The following TRPM3 variants were observed in gnomAD, a reference collection of about 807,000 sequenced individuals.
TRPM3 encodes the protein long transient receptor potential channel 3.
In TRPM3, 77 loss-of-function variants were observed where a neutral mutation model predicts 181.2. The observed-to-expected ratio is 0.42, with a 90% CI of 0.35 to 0.51. The LOEUF is 0.51. Ranked by LOEUF, TRPM3 falls within the 20% of genes least tolerant of loss-of-function variation. TRPM3 has a pLI of 0.01. For synonymous variants in TRPM3, 745 were observed against 796.4 expected (o/e 0.94, Z 1.09); for missense variants, 1,759 against 2,196.7 (o/e 0.80, Z 3.98).
At chr9:70,667,125 CTG>C (rs2061956292) in intron 9 of TRPM3, among the ~76,000 whole-genome samples, 1 of 151,782 alleles carries the variant, frequency 6.6e-6, no homozygotes, top group African/African-American at 2.4e-5. Flanking sequence ...TCTCTCTCTT[CTG>C]TGTTAGAGGT....
At chr9:70,662,254 C>T (rs1162030503) in intron 9 of TRPM3, among the ~76,000 whole-genome samples, 4 of 152,084 alleles carry the variant, frequency 2.6e-5, no homozygotes, top group Admixed American at 6.5e-5. Flanking sequence ...CCATCTGTCA[C>T]CTTATACAAA....
chr9:70,772,110 AG>A (rs1354189102), intron 7 of TRPM3, among the ~76,000 whole-genome samples: 2 of 152,322 alleles, frequency 1.3e-5, no homozygotes, highest in East Asian at 3.9e-4. Context: ...CAGACATTCA[AG>A]GCTTCTCAGT....
rs761379173 is a variant in TRPM3 at position 71,133,292 on chromosome 9, C to CTTTT, written c.184-268785_184-268782dup. Among the ~76,000 whole-genome samples, 264 of 72,300 alleles carry CTTTT rather than the reference C, an allele frequency of 3.7e-3. 22 individuals are homozygous for CTTTT. The highest frequency in any genetic ancestry group is 8.3e-3 in the African/African-American group (169 of 20,356). 47.4% of individuals were successfully genotyped at this position (72,300 alleles called of 152,430 possible). A position where few individuals can be genotyped will look rare whatever the true frequency, so the allele number is the denominator to read the frequency against. On this transcript the variant is annotated intron_variant, in intron 1 of 24. Transcript: ENST00000357533. Reference sequence around the variant, plus strand: ...CATTTGTAATTCTTCTAGCAAATTGCTTTTTTTTTTTTTTTTTTTGAGACA... The same window carrying CTTTT: ...CATTTGTAATTCTTCTAGCAAATTGCTTTTTTTTTTTTTTTTTTTTTTTGAGACA...
rs772915063 is a variant in TRPM3, at chr9:70,537,272, G to A, written c.3841C>T (p.Arg1281Cys). ...LIGRMATALE[R>C]LTGLERAESN... ...TCGGCCCGCTCCAGACCTGTCAGGC[G>A]CTCCAGGGCCGTGGCCATGCGCCCG... Residue 1281 changes from arginine (R) to cysteine (C), a missense_variant, in exon 26 of 26, where the codon CGC (arginine) becomes TGC (cysteine). Transcript: ENST00000677713. 17 of 1,579,744 alleles carry A rather than the reference G, an allele frequency of 1.1e-5. No homozygotes were observed. In the South Asian group the frequency reaches 1.3e-4, roughly 12 times the overall value.
intron 21 of TRPM3, among the ~76,000 whole-genome samples, chr9:70,598,048 T>C (rs1431391782): frequency 6.6e-6 from 1 of 152,186 alleles, no homozygotes; most frequent in Non-Finnish European, 1.5e-5. Flanking sequence ...CTGTTGTACT[T>C]TATACACATC....
intron 1 of TRPM3, among the ~76,000 whole-genome samples, chr9:71,064,858 T>A (rs2061722947): frequency 6.6e-6 from 1 of 152,170 alleles, no homozygotes; most frequent in South Asian, 2.1e-4. Context: ...TTTATTGCTA[T>A]CTTCTTATTA....
chr9:71,425,904 G>A (rs1032643321), intron 1 of TRPM3, among the ~76,000 whole-genome samples: 1 of 151,996 alleles, frequency 6.6e-6, no homozygotes, highest in African/African-American at 2.4e-5. Flanking sequence ...TACTGTTGAA[G>A]AGAGTTTGCA....
chr9:70,663,367 C>T (rs1388007730), intron 9 of TRPM3, among the ~76,000 whole-genome samples: 3 of 152,086 alleles, frequency 2.0e-5, no homozygotes, highest in African/African-American at 4.8e-5. Context: ...ACCCAAACCA[C>T]CCATACTCCA....
chr9:70,942,695 G>T (rs1001834384), intron 1 of TRPM3, among the ~76,000 whole-genome samples: 3 of 152,122 alleles, frequency 2.0e-5, no homozygotes, highest in Non-Finnish European at 2.9e-5. Flanking sequence ...AGATTGGATT[G>T]AATCCTGGCT....
chr9:71,285,766 T>A (rs1385595948), intron 1 of TRPM3, among the ~76,000 whole-genome samples: 4 of 152,196 alleles, frequency 2.6e-5, no homozygotes, highest in Non-Finnish European at 4.4e-5. Context: ...TTCACCAGCC[T>A]AACTTCCCAG....
intron 5 of TRPM3, among the ~76,000 whole-genome samples, chr9:70,832,710 C>T (rs1350115835): frequency 6.6e-6 from 1 of 152,282 alleles, no homozygotes; most frequent in Non-Finnish European, 1.5e-5. Flanking sequence ...TCTGCATGGG[C>T]TTAAATCAGT....
intron 1 of TRPM3, among the ~76,000 whole-genome samples, chr9:71,239,322 A>G (rs369286304): frequency 1.3e-4 from 19 of 151,738 alleles, no homozygotes; most frequent in African/African-American, 2.9e-4. Flanking sequence ...GCACTTCCGA[A>G]TTCTTAAAAA....
chr9:71,242,196 G>T (rs761616522), intron 1 of TRPM3, among the ~76,000 whole-genome samples: 1 of 152,176 alleles, frequency 6.6e-6, no homozygotes, highest in Non-Finnish European at 1.5e-5. Context: ...GTATTCCTAT[G>T]ACACGGACAA....
At chr9:71,196,774 G>A (rs569315823) in intron 1 of TRPM3, among the ~76,000 whole-genome samples, 7 of 152,162 alleles carry the variant, frequency 4.6e-5, no homozygotes, top group Non-Finnish European at 1.0e-4. Flanking sequence ...ACTAGGATAT[G>A]AACACGATTT....
intron 22 of TRPM3, among the ~76,000 whole-genome samples, chr9:70,585,206 G>A (rs2056854074): frequency 1.3e-5 from 2 of 152,128 alleles, no homozygotes; most frequent in Admixed American, 1.3e-4. Context: ...AAAATGTCCT[G>A]GCAAAAGTCA....
chr9:70,852,436 G>A (rs1389304845), intron 3 of TRPM3, among the ~76,000 whole-genome samples: 1 of 152,124 alleles, frequency 6.6e-6, no homozygotes, highest in African/African-American at 2.4e-5. Flanking sequence ...AAATGGCTCT[G>A]TGTCTCTGTA....
At chr9:71,081,778 C>T (rs7873024) in intron 1 of TRPM3, among the ~76,000 whole-genome samples, 50,096 of 151,978 alleles carry the variant, frequency 0.33, 10,616 homozygotes, top group African/African-American at 0.61. Context: ...TCATTACCCT[C>T]TGCTTTTCAA....
chr9:70,792,382 C>G (rs760761539), intron 6 of TRPM3, among the ~76,000 whole-genome samples: 1 of 151,260 alleles, frequency 6.6e-6, no homozygotes, highest in African/African-American at 2.4e-5. Flanking sequence ...AACAAAGGAG[C>G]AGAGGGTACC....
At chr9:71,380,279 CAAGGCACAAAATGA>C (rs2092768161) in intron 1 of TRPM3, among the ~76,000 whole-genome samples, 1 of 151,678 alleles carries the variant, frequency 6.6e-6, no homozygotes, top group South Asian at 2.1e-4. Context: ...ATAATATATA[CAAGGCACAAAATGA>C]AGAGAAAACA....
Sources: gnomAD v4.1 joint callset for allele counts (sites outside exome capture counted in the v4.1 genomes callset) on GRCh38, gnomAD v4.1.1 for gene constraint, MANE v1.5 for transcripts, NCBI Gene and HGNC (gene_info 2026-07-23, HGNC 2026-07-21) for gene names.